Variants in VAV3 observed in about 807,000 individuals in gnomAD.
VAV3 encodes guanine nucleotide exchange factor VAV3.
A neutral mutation model predicts 131.2 loss-of-function variants in VAV3; 94 were observed. That is an observed-to-expected ratio of 0.72 (90% CI 0.61 to 0.85). The LOEUF is 0.85. Among genes scored for constraint, VAV3 ranks in the 40% least tolerant of loss-of-function variants. VAV3 has a pLI of 0.00. For synonymous variants in VAV3, 349 were observed against 342.0 expected (o/e 1.02, Z -0.22); for missense variants, 939 against 1,002.7 (o/e 0.94, Z 0.86).
chr1:107,916,855 T>C (rs920879315), intron 1 of VAV3, among the ~76,000 whole-genome samples: 1 of 152,112 alleles, frequency 6.6e-6, no homozygotes, highest in East Asian at 1.9e-4. Context: ...AGAAACATCA[T>C]GGACAGCAAG....
At chr1:107,864,057 T>G (rs1465218795) in intron 2 of VAV3, among the ~76,000 whole-genome samples, 2 of 152,208 alleles carry the variant, frequency 1.3e-5, no homozygotes, top group Non-Finnish European at 2.9e-5. Context: ...CAGAAGAGCT[T>G]ATATATAAAC....
intron 15 of VAV3, among the ~76,000 whole-genome samples, chr1:107,724,386 T>C (rs1661701720): frequency 6.6e-6 from 1 of 152,042 alleles, no homozygotes; most frequent in Admixed American, 6.6e-5. Flanking sequence ...ATCTGAAAGT[T>C]GTCTTATACT....
At chr1:107,678,915 T>C (rs2504471) in intron 19 of VAV3, among the ~76,000 whole-genome samples, 9,451 of 152,134 alleles carry the variant, frequency 0.062, 744 homozygotes, top group African/African-American at 0.18. Context: ...AAAAATAGTA[T>C]ATAATATTTA....
intron 1 of VAV3, among the ~76,000 whole-genome samples, chr1:107,961,008 T>C (rs1258429182): frequency 6.6e-6 from 1 of 151,970 alleles, no homozygotes; most frequent in Non-Finnish European, 1.5e-5. Flanking sequence ...TCTACTAAAA[T>C]CCAAACCCCT....
At chr1:107,891,515 A>G (rs1183424461) in intron 1 of VAV3, among the ~76,000 whole-genome samples, 1 of 152,104 alleles carries the variant, frequency 6.6e-6, no homozygotes, top group Non-Finnish European at 1.5e-5. Flanking sequence ...GTGTGACTAG[A>G]AGGAGGTAAC....
intron 2 of VAV3, among the ~76,000 whole-genome samples, chr1:107,835,917 AG>A (rs974605339): frequency 8.5e-5 from 13 of 152,236 alleles, no homozygotes; most frequent in African/African-American, 3.1e-4. Context: ...CCTTCAGCTC[AG>A]GCTGCCCCTA....
intron 1 of VAV3, among the ~76,000 whole-genome samples, chr1:107,953,162 G>C (rs1338948876): frequency 6.6e-6 from 1 of 152,130 alleles, no homozygotes; most frequent in Non-Finnish European, 1.5e-5. Context: ...CTCAAGTCCT[G>C]TCTTCACCAC....
intron 19 of VAV3, among the ~76,000 whole-genome samples, chr1:107,658,441 T>C (rs1656747335): frequency 1.3e-5 from 2 of 152,186 alleles, no homozygotes; most frequent in South Asian, 4.1e-4. Flanking sequence ...CAGCATGATT[T>C]ATAATCCTTT....
chr1:107,586,464 T>C (rs1650504995), intron 25 of VAV3, among the ~76,000 whole-genome samples: 1 of 152,148 alleles, frequency 6.6e-6, no homozygotes, highest in Non-Finnish European at 1.5e-5. Flanking sequence ...TGTAGAACTG[T>C]ACCCTTTGAG....
At chr1:107,679,383 C>A (rs1193983684) in intron 19 of VAV3, among the ~76,000 whole-genome samples, 1 of 152,098 alleles carries the variant, frequency 6.6e-6, no homozygotes, top group African/African-American at 2.4e-5. Context: ...TCACAAAGCA[C>A]AAGAATAACT....
chr1:107,918,470 C>T (rs184639587), intron 1 of VAV3, among the ~76,000 whole-genome samples: 94 of 151,812 alleles, frequency 6.2e-4, no homozygotes, highest in Non-Finnish European at 1.0e-3. Context: ...CAAACCAAGC[C>T]GAGGTCAATG....
chr1:107,963,559 A>G (rs1236541332), intron 1 of VAV3: 1 of 152,228 alleles, frequency 6.6e-6, no homozygotes, highest in Non-Finnish European at 1.5e-5. Context: ...GACACCAAGA[A>G]TCACAGATGA....
intron 2 of VAV3, among the ~76,000 whole-genome samples, chr1:107,856,121 G>A (rs1669455961): frequency 6.6e-6 from 1 of 152,170 alleles, no homozygotes; most frequent in South Asian, 2.1e-4. Flanking sequence ...TGGGTGAGAA[G>A]CAAGATGAGA....
At chr1:107,602,287 T>C (rs891646043) in intron 24 of VAV3, 110 bp downstream of exon 24, 20 of 686,372 alleles carry the variant, frequency 2.9e-5, no homozygotes, top group Middle Eastern at 4.2e-4. Context: ...TGATTATCTT[T>C]AAATAACTTT....
chr1:107,887,172 C>T (rs1671075536), intron 1 of VAV3, among the ~76,000 whole-genome samples: 2 of 152,226 alleles, frequency 1.3e-5, no homozygotes, highest in Non-Finnish European at 2.9e-5. Flanking sequence ...CCCACCAATG[C>T]TCCGTCCAAC....
At chr1:107,794,529 GA>G (rs1666447412) in intron 2 of VAV3, among the ~76,000 whole-genome samples, 1 of 152,160 alleles carries the variant, frequency 6.6e-6, no homozygotes, top group African/African-American at 2.4e-5. Flanking sequence ...TTCATTTTGA[GA>G]TTCCCTTCTC....
rs564948916 is a variant in VAV3, at chr1:107,862,767, A to AT, written c.321+12133dup. ...CCAACAACTAAGGCTAGGAATTAGA[A>AT]TACGTGCATTAGTGAGCATATATGT... On this transcript the variant is annotated intron_variant, in intron 2 of 26. Coordinates refer to ENST00000370056, the MANE Select transcript of VAV3 (RefSeq NM_006113.5). 1.6e-4 allele frequency: 23 copies of AT among 146,496 alleles called. 1 individual carries two copies. In the East Asian group the frequency reaches 4.6e-3, roughly 30 times the overall value. 9.1% of individuals were successfully genotyped at this position (146,496 alleles called of 1,614,324 possible).
At chr1:107,634,879 T>A (rs867456385) in intron 20 of VAV3, among the ~76,000 whole-genome samples, 1 of 152,180 alleles carries the variant, frequency 6.6e-6, no homozygotes, top group South Asian at 2.1e-4. Flanking sequence ...ATGCTCATCA[T>A]CACTTGCCAT....
chr1:107,788,258 G>T (rs747728814), intron 2 of VAV3, among the ~76,000 whole-genome samples: 4 of 151,820 alleles, frequency 2.6e-5, no homozygotes, highest in Admixed American at 2.6e-4. Context: ...TTACCACCAT[G>T]CCAGCCCCAA....
Sources: allele counts gnomAD v4.1 joint callset (sites outside exome capture counted in the v4.1 genomes callset), GRCh38; gene constraint gnomAD v4.1.1; transcripts MANE v1.5; gene names NCBI Gene and HGNC (gene_info 2026-07-23, HGNC 2026-07-21).